The following FAM76A variants were observed in gnomAD, a reference collection of about 807,000 sequenced individuals.
The protein encoded by FAM76A is protein FAM76A.
A neutral mutation model predicts 46.2 loss-of-function variants in FAM76A; 32 were observed. The observed-to-expected ratio is 0.69, with a 90% confidence interval of 0.52 to 0.93. The LOEUF (loss-of-function observed/expected upper bound fraction) is 0.93. Among genes scored for constraint, FAM76A ranks in the 40% least tolerant of loss-of-function variants. The pLI is 0.00. For missense variants in FAM76A, 274 were observed against 361.5 expected (o/e 0.76, Z 1.96); for synonymous variants, 137 against 127.0 (o/e 1.08, Z -0.53).
At position 27,762,767 on chromosome 1, in the gene FAM76A, T is replaced by G. The variant is rs879302278; in HGVS notation, c.*2186T>G. On this transcript the variant is annotated 3_prime_UTR_variant, in exon 9 of 9. Coordinates refer to ENST00000373954, the MANE Select transcript of FAM76A (RefSeq NM_152660.3). ...AGGGGGAAATGACAGTCATGGTGTT[T>G]TTTTTTAATTTTAAGGACTGAAATT... is the stretch of plus-strand genomic sequence containing the variant. 2 of 152,204 alleles carry G rather than the reference T, an allele frequency of 1.3e-5. No individual in the cohort carries two copies. Among genetic ancestry groups the G allele is most frequent in the Non-Finnish European group, 2.9e-5 (2 of 68,032 alleles). 9.4% of individuals were successfully genotyped at this position (152,204 alleles called of 1,614,324 possible).
intron 7 of FAM76A, among the ~76,000 whole-genome samples, chr1:27,755,813 G>A (rs1455605153): frequency 6.6e-6 from 1 of 152,112 alleles, no homozygotes; most frequent in Non-Finnish European, 1.5e-5. Context: ...GGTCTTAAGT[G>A]ATCCTTCCAT....
At chr1:27,752,421 TAA>T (rs2088346244) in intron 6 of FAM76A, among the ~76,000 whole-genome samples, 1 of 152,198 alleles carries the variant, frequency 6.6e-6, no homozygotes, top group African/African-American at 2.4e-5. Context: ...TAGGAAAATA[TAA>T]GTTAATTTCT....
intron 2 of FAM76A, among the ~76,000 whole-genome samples, chr1:27,728,403 G>A (rs190716216): frequency 4.5e-4 from 68 of 151,986 alleles, no homozygotes; most frequent in African/African-American, 1.5e-3. Flanking sequence ...GTCAGGTTGG[G>A]GTGCAGTGGA....
rs200413623 is a variant in FAM76A, at chr1:27,739,532, A to G, written c.355-5122A>G. On this transcript the variant is annotated intron_variant, in intron 4 of 8. Transcript: ENST00000373954. ...CAGGGTGTGGTGGCTCACACCTGTA[A>G]TCGTAGCACTTTGGGAGGCCGAGGC... 74 of 337,684 alleles carry G rather than the reference A, an allele frequency of 2.2e-4. No homozygotes were observed. In the East Asian group the frequency reaches 5.6e-3, roughly 26 times the overall value. 20.9% of individuals were successfully genotyped at this position (337,684 alleles called of 1,614,324 possible). A position where few individuals can be genotyped will look rare whatever the true frequency, so the allele number is the denominator to read the frequency against.
At chr1:27,755,394 A>T (rs1051258233) in intron 7 of FAM76A, 64 bp downstream of exon 7, 2 of 1,586,288 alleles carry the variant, frequency 1.3e-6, no homozygotes, top group African/African-American at 2.7e-5. Context: ...GGTATGGGAC[A>T]TGATAATAAC....
chr1:27,726,039 C>G lies in FAM76A; in HGVS notation c.-42C>G. The G allele has an allele frequency of 8.0e-6, 10 of 1,250,564 alleles. No individual in the cohort carries two copies. Among genetic ancestry groups the G allele is most frequent in the Non-Finnish European group, 1.0e-5 (10 of 994,908 alleles). The allele number at this position is 1,250,564 out of a possible 1,614,324, so 77.5% of individuals were successfully genotyped here. A position where few individuals can be genotyped will look rare whatever the true frequency, so the allele number is the denominator to read the frequency against. ...TGCCTCAGACTGTCAGATAAATCGG[C>G]GGGCCGGGCCGGCGGGTCGGTGAGC... is the stretch of plus-strand genomic sequence containing the variant. On this transcript the variant is annotated 5_prime_UTR_variant, in exon 1 of 9. Transcript: ENST00000373954.
chr1:27,749,980 C>A (rs1367685768), intron 6 of FAM76A, among the ~76,000 whole-genome samples: 1 of 152,186 alleles, frequency 6.6e-6, no homozygotes, highest in East Asian at 1.9e-4. Flanking sequence ...GTCCTAATAT[C>A]CAGAGTGTCC....
At position 27,760,877 on chromosome 1, in the gene FAM76A, C is replaced by CTTTTTTTTTTTTTTTTTTTTTTTTTTTT; in HGVS notation, c.*319_*320insTTTTTTTTTTTTTTTTTTTTTTTTTTTT. 3 of 25,152 alleles carry CTTTTTTTTTTTTTTTTTTTTTTTTTTTT rather than the reference C, an allele frequency of 1.2e-4. No homozygotes were observed. Among genetic ancestry groups the CTTTTTTTTTTTTTTTTTTTTTTTTTTTT allele is most frequent in the African/African-American group, 3.7e-4 (2 of 5,358 alleles). The allele number at this position is 25,152 out of a possible 1,614,324, so 1.6% of individuals were successfully genotyped here. A position where few individuals can be genotyped will look rare whatever the true frequency, so the allele number is the denominator to read the frequency against. On this transcript the variant is annotated 3_prime_UTR_variant, in exon 9 of 9. Coordinates refer to ENST00000373954, the MANE Select transcript of FAM76A (RefSeq NM_152660.3). ...GTTCTATTCTTTTTTTTTCTTTTTTCTTTTTTTTTTTTTTTTTTTTTTTGT... is the reference window on the plus strand; with the variant it reads ...GTTCTATTCTTTTTTTTTCTTTTTTCTTTTTTTTTTTTTTTTTTTTTTTTTTTTTTTTTTTTTTTTTTTTTTTTTTTGT...
rs1463379253 is a variant in FAM76A, at chr1:27,754,413, G to A, written c.600-782G>A. Among the ~76,000 whole-genome samples, 3 of 152,100 alleles carry A rather than the reference G, an allele frequency of 2.0e-5. No homozygotes were observed. In the East Asian group the frequency reaches 5.8e-4, roughly 29 times the overall value. ...GAGCCACCGCGCCCGGCCTAAAACT[G>A]CCCCTTCTTAAGAGGCTCTGCTAAA... On this transcript the variant is annotated intron_variant, in intron 6 of 8. Transcript: ENST00000373954.
chr1:27,734,507 A>G (rs1295787896), intron 4 of FAM76A, among the ~76,000 whole-genome samples: 1 of 152,220 alleles, frequency 6.6e-6, no homozygotes, highest in Non-Finnish European at 1.5e-5. Flanking sequence ...AGATCATGCC[A>G]CTGCACTCCA....
chr1:27,736,954 G>A (rs2088057018), intron 4 of FAM76A, among the ~76,000 whole-genome samples: 2 of 150,778 alleles, frequency 1.3e-5, no homozygotes, highest in South Asian at 4.2e-4. Context: ...TTTTGTTGTT[G>A]TTGTTGTTTG....
At chr1:27,743,807 G>A (rs1377309275) in intron 4 of FAM76A, among the ~76,000 whole-genome samples, 3 of 151,964 alleles carry the variant, frequency 2.0e-5, no homozygotes, top group Non-Finnish European at 2.9e-5. Context: ...TGAGCATGGT[G>A]GCATGTACCT....
intron 7 of FAM76A, among the ~76,000 whole-genome samples, chr1:27,758,402 C>T (rs1167738262): frequency 3.9e-5 from 6 of 152,200 alleles, no homozygotes; most frequent in African/African-American, 1.4e-4. Context: ...TATATTCTCT[C>T]CATGGACTAG....
At position 27,732,658 on chromosome 1, in the gene FAM76A, G is replaced by A; in HGVS notation, c.201+1G>A. 1 of 1,605,360 alleles carries A rather than the reference G, an allele frequency of 6.2e-7. No homozygotes were observed. The highest frequency in any genetic ancestry group is 1.1e-5 in the South Asian group (1 of 90,284). ...TCAGAACGTGCAGTTGTATGGAACG[G>A]TAAGTAGGATATTTTCAAACCTAAC... On this transcript the variant is annotated splice_donor_variant, in intron 3 of 8. Coordinates refer to ENST00000373954, the MANE Select transcript of FAM76A (RefSeq NM_152660.3). LOFTEE classifies it high-confidence loss of function.
At chr1:27,739,591 A>G (rs1260041963) in intron 4 of FAM76A, among the ~76,000 whole-genome samples, 1 of 152,186 alleles carries the variant, frequency 6.6e-6, no homozygotes, top group Non-Finnish European at 1.5e-5. Flanking sequence ...GTTGGAGACC[A>G]GCCTGGACAA....
intron 3 of FAM76A, among the ~76,000 whole-genome samples, chr1:27,733,316 T>G (rs2087990451): frequency 6.6e-6 from 1 of 152,208 alleles, no homozygotes; most frequent in Non-Finnish European, 1.5e-5. Flanking sequence ...TCTCTTAGTG[T>G]TACAGTTCAG....
In FAM76A at chr1:27,741,714, C is replaced by G. The variant is rs529271705; in HGVS notation, c.355-2940C>G. The stretch of plus-strand genomic sequence containing the variant: ...TGGCCAACGTGGTGAAACCCCATCT[C>G]TACTAAAAATATAAAAAAATTAGCC... On this transcript the variant is annotated intron_variant, in intron 4 of 8. Transcript: ENST00000373954. Among the ~76,000 whole-genome samples, 37 of 151,808 alleles carry G rather than the reference C, an allele frequency of 2.4e-4. 1 individual carries two copies. Among genetic ancestry groups the G allele is most frequent in the Non-Finnish European group, 5.1e-4 (35 of 67,968 alleles).
At chr1:27,732,571 A>G (rs1246386058) in intron 2 of FAM76A, 32 bp from the exon 3 acceptor site, 1 of 1,592,552 alleles carries the variant, frequency 6.3e-7, no homozygotes, top group South Asian at 1.1e-5. Context: ...AGATATTCTA[A>G]GAAAAGCCTG....
At position 27,727,456 on chromosome 1, in the gene FAM76A, C is replaced by A; in HGVS notation, c.82-16C>A. 2 of 1,611,366 alleles carry A rather than the reference C, an allele frequency of 1.2e-6. No individual in the cohort carries two copies. The highest frequency in any genetic ancestry group is 1.7e-6 in the Non-Finnish European group (2 of 1,177,726). On this transcript the variant is annotated splice_polypyrimidine_tract_variant and intron_variant, in intron 1 of 8. Transcript: ENST00000373954. ...TTGTGACTGCCTTTTAAAATTATAT[C>A]CTCATTTCATTTCAGGAATGTCGGA...
Sources: gnomAD v4.1 joint callset for allele counts (sites outside exome capture counted in the v4.1 genomes callset) on GRCh38, gnomAD v4.1.1 for gene constraint, MANE v1.5 for transcripts, NCBI Gene and HGNC (gene_info 2026-07-23, HGNC 2026-07-21) for gene names.